Variants in KL observed in about 807,000 individuals in gnomAD.
KL encodes klotho.
In KL, 62 loss-of-function variants were observed where a neutral mutation model predicts 84.2. The observed-to-expected ratio is 0.74, with a 90% CI of 0.60 to 0.91. The LOEUF is 0.91. Ranked by LOEUF, KL falls within the 40% of genes least tolerant of loss-of-function variation. The pLI, the probability that KL is intolerant of heterozygous loss-of-function variation, is 0.00. For missense variants in KL, 1,261 were observed against 1,305.7 expected (o/e 0.97, Z 0.53); for synonymous variants, 528 against 528.0 (o/e 1.00, Z 0.00).
intron 1 of KL, among the ~76,000 whole-genome samples, chr13:33,052,655 G>A (rs145587751): frequency 1.1e-4 from 17 of 152,244 alleles, no homozygotes; most frequent in Non-Finnish European, 1.6e-4. Context: ...AATGAACCAC[G>A]AGAGGAATAT....
In KL at chr13:33,016,754, G is replaced by A; in HGVS notation, c.314G>A (p.Arg105Gln). 6.2e-7 allele frequency: 1 copy of A among 1,611,708 alleles called. No homozygotes were observed. The highest frequency in any genetic ancestry group is 8.5e-7 in the Non-Finnish European group (1 of 1,179,378). ...CCCCTGGCACCCCCGGGAGACTCCC[G>A]GAACGCCAGTCTGCCGTTGGGCGCC... ...HHPLAPPGDS[R>Q]NASLPLGAPS... Residue 105 changes from arginine (R) to glutamine (Q), a missense_variant, in exon 1 of 5, where the codon CGG (arginine) becomes CAG (glutamine). By Grantham distance (43) the Arg-to-Gln change is conservative. Coordinates refer to ENST00000380099, the MANE Select transcript of KL (RefSeq NM_004795.4).
chr13:33,039,140 A>G (rs1566502816), intron 1 of KL, among the ~76,000 whole-genome samples: 1 of 152,216 alleles, frequency 6.6e-6, no homozygotes, highest in South Asian at 2.1e-4. Flanking sequence ...AGCTAACTAT[A>G]GTTTGTAATT....
intron 1 of KL, among the ~76,000 whole-genome samples, chr13:33,037,726 T>G (rs1871190973): frequency 6.6e-6 from 1 of 152,116 alleles, no homozygotes; most frequent in Non-Finnish European, 1.5e-5. Context: ...AGTCTCTTGC[T>G]TCTCTGCAAT....
chr13:33,061,727 A>G lies in KL; in HGVS notation c.2648A>G (p.Asp883Gly). The G allele has an allele frequency of 1.2e-6, 2 of 1,614,042 alleles. No homozygotes were observed. The highest frequency in any genetic ancestry group is 1.7e-6 in the Non-Finnish European group (2 of 1,179,938). Residue 883 changes from aspartate to glycine, a missense_variant, in exon 4 of 5, where the codon GAC (aspartate) becomes GGC (glycine). Asp to Gly is a moderately conservative substitution (Grantham distance 94). Coordinates refer to ENST00000380099, the MANE Select transcript of KL (RefSeq NM_004795.4). ...NGIDDGLHAEDDQLRVYYMQN... is the reference protein window; with the variant it reads ...NGIDDGLHAEGDQLRVYYMQN... ...ATCGATGACGGGCTGCATGCTGAGG[A>G]CGACCAGCTGAGGGTGTATTATATG...
intron 1 of KL, among the ~76,000 whole-genome samples, chr13:33,051,359 G>C (rs1170834029): frequency 2.6e-5 from 4 of 152,112 alleles, no homozygotes; most frequent in African/African-American, 9.7e-5. Flanking sequence ...GGGCAACACA[G>C]CAAGATTTAA....
chr13:33,027,542 G>A (rs988032514), intron 1 of KL, among the ~76,000 whole-genome samples: 1 of 152,124 alleles, frequency 6.6e-6, no homozygotes, highest in African/African-American at 2.4e-5. Flanking sequence ...CTTATATTGA[G>A]CCTTTAACTG....
At chr13:33,027,534 T>C (rs1262865976) in intron 1 of KL, among the ~76,000 whole-genome samples, 1 of 152,224 alleles carries the variant, frequency 6.6e-6, no homozygotes. Context: ...CTGTGGCTCT[T>C]ATATTGAGCC....
chr13:33,035,474 A>C (rs899268206), intron 1 of KL, among the ~76,000 whole-genome samples: 1 of 152,194 alleles, frequency 6.6e-6, no homozygotes, highest in African/African-American at 2.4e-5. Flanking sequence ...TTGTGGAATT[A>C]TTGGCAATTA....
chr13:33,050,856 A>T lies in KL; in HGVS notation c.820-2911A>T, dbSNP rs1871715612. ...CACTCTCACTTGCATTATGTCATTT[A>T]ATCCTCACAGTGTCCCTACGGGACA... On this transcript the variant is annotated intron_variant, in intron 1 of 4. Transcript: ENST00000380099. Among the ~76,000 whole-genome samples, 5 of 152,258 alleles carry T rather than the reference A, an allele frequency of 3.3e-5. 1 individual carries two copies. In the South Asian group the frequency reaches 1.0e-3, roughly 31 times the overall value.
rs529774670 is a variant in KL at position 33,025,669 on chromosome 13, C to G, written c.819+8410C>G. On this transcript the variant is annotated intron_variant, in intron 1 of 4. Coordinates refer to ENST00000380099, the MANE Select transcript of KL (RefSeq NM_004795.4). ...ATTTGCTGTGCAGAACCAAGCAGTGCCCCAGGTGTTCAGAGTAGGCTTCAG... is the reference window on the plus strand; with the variant it reads ...ATTTGCTGTGCAGAACCAAGCAGTGGCCCAGGTGTTCAGAGTAGGCTTCAG... Among the ~76,000 whole-genome samples, 55 of 152,234 alleles carry G rather than the reference C, an allele frequency of 3.6e-4. 1 individual carries two copies. The highest frequency in any genetic ancestry group is 1.3e-3 in the African/African-American group (53 of 41,540).
intron 1 of KL, among the ~76,000 whole-genome samples, chr13:33,027,282 G>A (rs1443943277): frequency 1.3e-5 from 2 of 152,150 alleles, no homozygotes; most frequent in South Asian, 4.1e-4. Flanking sequence ...CTCCTGAGGG[G>A]TGCACCTGTT....
In KL at chr13:33,017,001, C is replaced by G. The variant is rs1286409707; in HGVS notation, c.561C>G (p.Pro187=). The change falls in exon 1 of 5, where the codon CCC becomes CCG. Residue 187 remains proline (P), a synonymous_variant. Coordinates refer to ENST00000380099, the MANE Select transcript of KL (RefSeq NM_004795.4). Reference sequence around the variant, plus strand: ...GGCTGCGGGAGCTGGGCGTGCAGCCCGTGGTCACCCTGTACCACTGGGACC... The same window carrying G: ...GGCTGCGGGAGCTGGGCGTGCAGCCGGTGGTCACCCTGTACCACTGGGACC... ...LERLRELGVQ[P]VVTLYHWDLP... 5 of 1,593,186 alleles carry G rather than the reference C, an allele frequency of 3.1e-6. No homozygotes were observed. The highest frequency in any genetic ancestry group is 2.3e-5 in the East Asian group (1 of 44,300).
chr13:33,043,404 G>C (rs1871408632), intron 1 of KL, among the ~76,000 whole-genome samples: 1 of 152,094 alleles, frequency 6.6e-6, no homozygotes, highest in Non-Finnish European at 1.5e-5. Context: ...ATTTTTAGTA[G>C]AGATGGGGTT....
intron 1 of KL, among the ~76,000 whole-genome samples, chr13:33,017,771 T>C (rs1870426192): frequency 6.6e-6 from 1 of 152,196 alleles, no homozygotes; most frequent in African/African-American, 2.4e-5. Flanking sequence ...GAGAGTCAGA[T>C]TTAAACTGTG....
chr13:33,016,462 C>T lies in KL; in HGVS notation c.22C>T (p.Arg8Cys). The stretch of plus-strand genomic sequence containing the variant: ...CAGCATGCCCGCCAGCGCCCCGCCG[C>T]GCCGCCCGCGGCCGCCGCCGCCGTC... MPASAPPRRPRPPPPSLS... is the reference protein window; with the variant it reads MPASAPPCRPRPPPPSLS... Residue 8 changes from arginine (R) to cysteine (C), a missense_variant, in exon 1 of 5, where the codon CGC (arginine) becomes TGC (cysteine). Arg to Cys is a radical substitution (Grantham distance 180). Coordinates refer to ENST00000380099, the MANE Select transcript of KL (RefSeq NM_004795.4). The T allele has an allele frequency of 1.0e-6, 1 of 1,003,362 alleles. No homozygotes were observed. The highest frequency in any genetic ancestry group is 1.2e-6 in the Non-Finnish European group (1 of 843,414). 62.2% of individuals were successfully genotyped at this position (1,003,362 alleles called of 1,614,324 possible). A position where few individuals can be genotyped will look rare whatever the true frequency, so the allele number is the denominator to read the frequency against.
Position 33,061,200 on chromosome 13 carries a change from T to C in KL, c.2121T>C (p.His707=). ...YSAGHNLLKA[H]ALAWHVYNEK... ...CTGGCCACAACCTTCTGAAGGCCCATGCCCTGGCTTGGCATGTGTACAATG... is the reference window on the plus strand; with the variant it reads ...CTGGCCACAACCTTCTGAAGGCCCACGCCCTGGCTTGGCATGTGTACAATG... The change falls in exon 4 of 5, where the codon CAT becomes CAC. Residue 707 remains histidine (H), a synonymous_variant. Coordinates refer to ENST00000380099, the MANE Select transcript of KL (RefSeq NM_004795.4). The C allele has an allele frequency of 6.2e-7, 1 of 1,614,258 alleles. No individual in the cohort carries two copies. Among genetic ancestry groups the C allele is most frequent in the South Asian group, 1.1e-5 (1 of 91,080 alleles).
Position 33,054,033 on chromosome 13 carries a change from A to T in KL, c.1086A>T (p.Gly362=). 1 of 1,612,882 alleles carries T rather than the reference A, an allele frequency of 6.2e-7. No individual in the cohort carries two copies. Among genetic ancestry groups the T allele is most frequent in the Non-Finnish European group, 8.5e-7 (1 of 1,179,056 alleles). The change falls in exon 2 of 5, where the codon GGA becomes GGT. Residue 362 remains glycine, a synonymous_variant. Transcript: ENST00000380099. ...AATCTGAGAAAAAGTTCATCAAAGG[A>T]ACTGCTGACTTTTTTGCTCTTTGCT... ...FTESEKKFIK[G]TADFFALCFG... is the part of the protein sequence containing the mutation.
At chr13:33,060,533 A>G in intron 3 of KL, 146 bp from the exon 4 acceptor site, 1 of 882,288 alleles carries the variant, frequency 1.1e-6, no homozygotes, top group South Asian at 1.4e-5. Context: ...TCAGGAGCTG[A>G]CAATTTATGA....
chr13:33,058,740 A>G (rs1872063606), intron 3 of KL, among the ~76,000 whole-genome samples: 1 of 152,150 alleles, frequency 6.6e-6, no homozygotes, highest in Admixed American at 6.5e-5. Flanking sequence ...TTGTTTTGGA[A>G]CAATCACGGT....
Sources: gnomAD v4.1 joint callset for allele counts (sites outside exome capture counted in the v4.1 genomes callset) on GRCh38, gnomAD v4.1.1 for gene constraint, MANE v1.5 for transcripts, NCBI Gene and HGNC (gene_info 2026-07-23, HGNC 2026-07-21) for gene names.